Variants in TENM3 observed in about 807,000 individuals in gnomAD.
The protein encoded by TENM3 is teneurin transmembrane protein 3.
Under a neutral mutation model 255.1 loss-of-function variants are expected in TENM3, and 63 were observed. The ratio of observed to expected loss-of-function variants is 0.25; its 90% CI spans 0.20 to 0.30. The LOEUF (loss-of-function observed/expected upper bound fraction) is 0.30, where lower values mean the gene tolerates loss of function less well. Ranked by LOEUF, TENM3 falls within the 10% of genes least tolerant of loss-of-function variation. The probability of loss-of-function intolerance (pLI) is 1.00; values close to 1 mark genes in which losing one functional copy is unlikely to be tolerated. For missense variants in TENM3, 2,929 were observed against 3,461.1 expected, an observed-to-expected ratio of 0.85 and a Z score of 3.86; for synonymous variants, 1,306 against 1,322.3, an observed-to-expected ratio of 0.99 and a Z score of 0.27.
the TENM3 span, among the ~76,000 whole-genome samples, chr4:182,118,519 A>T: frequency 6.6e-6 from 1 of 152,056 alleles, no homozygotes; most frequent in Admixed American, 6.6e-5. Context: ...GGCCCCAAGC[A>T]TCCCACCCTT....
intron 1 of TENM3, among the ~76,000 whole-genome samples, chr4:182,205,988 G>A (rs994546918): frequency 6.6e-6 from 1 of 151,802 alleles, no homozygotes; most frequent in Non-Finnish European, 1.5e-5. Context: ...TCTGAAGCTG[G>A]CCAAAAGACG....
the TENM3 span, among the ~76,000 whole-genome samples, chr4:181,657,653 G>C: frequency 3.0e-3 from 455 of 152,180 alleles, 2 homozygotes; most frequent in Non-Finnish European, 5.0e-3. Flanking sequence ...TATATCCAAA[G>C]AAAACTAAAT....
chr4:182,437,857 T>G (rs1373497665), intron 3 of TENM3, among the ~76,000 whole-genome samples: 1 of 150,578 alleles, frequency 6.6e-6, no homozygotes, highest in Non-Finnish European at 1.5e-5. Context: ...GAGGCTGAGA[T>G]GGGAGGATTG....
At chr4:182,711,552 T>G in intron 12 of TENM3, 9 of 978,672 alleles carry the variant, frequency 9.2e-6, no homozygotes, top group Non-Finnish European at 1.1e-5. Context: ...TGTCTGTTCT[T>G]TTTTCCTTTT....
chr4:182,715,334 G>A (rs1561148862), intron 13 of TENM3, among the ~76,000 whole-genome samples: 3 of 152,186 alleles, frequency 2.0e-5, no homozygotes. Flanking sequence ...TTTTGAGACT[G>A]TGCACATGGA....
rs1366140261 is a variant in TENM3 at position 182,601,208 on chromosome 4, C to A, written c.749+47C>A. The A allele has an allele frequency of 3.4e-6, 5 of 1,469,344 alleles. No homozygotes were observed. In the South Asian group the frequency reaches 3.4e-5, roughly 10 times the overall value. 91.0% of individuals were successfully genotyped at this position (1,469,344 alleles called of 1,614,324 possible). ...TAAGCTAGCCCAACCCTTTTCTCACCAGGAGCAATTTACTATACTTACATA... is the reference window on the plus strand; with the variant it reads ...TAAGCTAGCCCAACCCTTTTCTCACAAGGAGCAATTTACTATACTTACATA... On this transcript the variant is annotated intron_variant, in intron 4 of 27. Coordinates refer to ENST00000511685, the MANE Select transcript of TENM3 (RefSeq NM_001080477.4).
intron 1 of TENM3, among the ~76,000 whole-genome samples, chr4:182,263,199 G>T (rs12648007): frequency 0.12 from 17,624 of 151,918 alleles, 1,098 homozygotes; most frequent in Middle Eastern, 0.17. Context: ...AACGTCTTGC[G>T]AACCACAAAG....
intron 12 of TENM3, among the ~76,000 whole-genome samples, chr4:182,707,069 C>T (rs558792739): frequency 1.3e-5 from 2 of 152,170 alleles, no homozygotes; most frequent in African/African-American, 4.8e-5. Context: ...CATTAAGTCA[C>T]CTATGCCTAG....
At chr4:182,740,485 T>G (rs1296891279) in intron 18 of TENM3, among the ~76,000 whole-genome samples, 2 of 152,260 alleles carry the variant, frequency 1.3e-5, no homozygotes, top group Non-Finnish European at 2.9e-5. Context: ...TCACACAGTT[T>G]GAACATATTT....
chr4:182,151,513 C>A (rs1171986078), intron 1 of TENM3, among the ~76,000 whole-genome samples: 2 of 152,010 alleles, frequency 1.3e-5, no homozygotes, highest in East Asian at 3.9e-4. Flanking sequence ...AAAATTGGCA[C>A]AGAGCTTGCC....
chr4:182,763,336 C>T (rs1463068819), intron 22 of TENM3, among the ~76,000 whole-genome samples: 3 of 152,104 alleles, frequency 2.0e-5, no homozygotes, highest in African/African-American at 4.8e-5. Context: ...GAGGCTGAGG[C>T]GGGCGGATCA....
intron 4 of TENM3, among the ~76,000 whole-genome samples, chr4:182,605,324 A>G (rs2152420569): frequency 6.6e-6 from 1 of 152,302 alleles, no homozygotes; most frequent in Middle Eastern, 3.4e-3. Context: ...TTTGTTAAAG[A>G]CAGCTTGGGG....
At chr4:181,832,147 G>A in the TENM3 span, among the ~76,000 whole-genome samples, 1 of 152,030 alleles carries the variant, frequency 6.6e-6, no homozygotes, top group Admixed American at 6.6e-5. Flanking sequence ...TTTCGTGTCT[G>A]CCATACCACA....
intron 3 of TENM3, among the ~76,000 whole-genome samples, chr4:182,496,353 T>C (rs1025592674): frequency 6.6e-6 from 1 of 152,124 alleles, no homozygotes; most frequent in Non-Finnish European, 1.5e-5. Context: ...ATATCAGAAT[T>C]TATTCAAACC....
chr4:182,099,661 G>T, the TENM3 span, among the ~76,000 whole-genome samples: 13 of 152,106 alleles, frequency 8.5e-5, no homozygotes, highest in African/African-American at 2.9e-4. Flanking sequence ...TACTACAAGG[G>T]CATCCTTGAG....
chr4:181,565,409 A>G, the TENM3 span, among the ~76,000 whole-genome samples: 1 of 152,264 alleles, frequency 6.6e-6, no homozygotes, highest in East Asian at 1.9e-4. Flanking sequence ...ATATTGCCAG[A>G]TACTATGCTT....
At chr4:182,734,069 A>C (rs774493487) in intron 16 of TENM3, among the ~76,000 whole-genome samples, 1 of 152,220 alleles carries the variant, frequency 6.6e-6, no homozygotes, top group Non-Finnish European at 1.5e-5. Context: ...AAAAAGAAGA[A>C]GACGTGCATC....
chr4:182,195,619 G>T (rs1223753013), intron 1 of TENM3, among the ~76,000 whole-genome samples: 1 of 152,046 alleles, frequency 6.6e-6, no homozygotes, highest in Non-Finnish European at 1.5e-5. Context: ...CAGTGTGGGT[G>T]ACAGAGCAAG....
intron 3 of TENM3, among the ~76,000 whole-genome samples, chr4:182,409,964 G>A (rs1175115114): frequency 1.3e-5 from 2 of 151,834 alleles, no homozygotes; most frequent in Non-Finnish European, 2.9e-5. Flanking sequence ...GCTGAGACTG[G>A]CTGCAGAGTA....
Sources: allele counts gnomAD v4.1 joint callset (sites outside exome capture counted in the v4.1 genomes callset), GRCh38; gene constraint gnomAD v4.1.1; transcripts MANE v1.5; gene names NCBI Gene and HGNC (gene_info 2026-07-23, HGNC 2026-07-21).